MPDZ: variants seen among roughly 807,000 people sequenced by gnomAD.
MPDZ encodes multiple PDZ domain protein.
In MPDZ, 234 loss-of-function variants were observed where a neutral mutation model predicts 239.1. The observed-to-expected ratio is 0.98, with a 90% CI of 0.88 to 1.09. The LOEUF is 1.09. MPDZ is among the 50% of genes least tolerant of loss of function. MPDZ has a pLI of 0.00. For synonymous variants in MPDZ, 1,048 were observed against 881.3 expected, an observed-to-expected ratio of 1.19 and a Z score of -3.35; for missense variants, 3,175 against 2,510.0, an observed-to-expected ratio of 1.26 and a Z score of -5.66.
chr9:13,242,260 C>T (rs1196901397), intron 3 of MPDZ, among the ~76,000 whole-genome samples: 14 of 105,906 alleles, frequency 1.3e-4, no homozygotes, highest in African/African-American at 5.2e-4. Flanking sequence ...GAGCCTGGCT[C>T]TGTTGCCCAG....
At chr9:13,262,810 A>C (rs1970986840) in intron 1 of MPDZ, among the ~76,000 whole-genome samples, 1 of 152,118 alleles carries the variant, frequency 6.6e-6, no homozygotes, top group African/African-American at 2.4e-5. Context: ...AAATCTCAAT[A>C]ATGAAATGGA....
At chr9:13,111,618 C>G (rs1190218450) in intron 43 of MPDZ, among the ~76,000 whole-genome samples, 1 of 152,184 alleles carries the variant, frequency 6.6e-6, no homozygotes, top group African/African-American at 2.4e-5. Flanking sequence ...TATTAAACTT[C>G]TGCAAAATTA....
chr9:13,155,842 T>C (rs1479334100), intron 24 of MPDZ, among the ~76,000 whole-genome samples: 1 of 152,172 alleles, frequency 6.6e-6, no homozygotes, highest in Admixed American at 6.6e-5. Flanking sequence ...AGAAGTAGCT[T>C]AGTGAATCTA....
chr9:13,186,423 G>T (rs373301365), intron 17 of MPDZ, 37 bp from the exon 18 acceptor site: 2 of 1,354,644 alleles, frequency 1.5e-6, no homozygotes, highest in South Asian at 1.3e-5. Context: ...AAAAGAGAGA[G>T]AACAGCAAAG....
intron 39 of MPDZ, among the ~76,000 whole-genome samples, chr9:13,118,199 T>G (rs1002214839): frequency 1.3e-5 from 2 of 152,194 alleles, no homozygotes; most frequent in African/African-American, 4.8e-5. Flanking sequence ...TTATGGATGC[T>G]TCCATTTTTT....
chr9:13,270,309 T>C (rs1013340475), intron 1 of MPDZ, among the ~76,000 whole-genome samples: 3 of 152,194 alleles, frequency 2.0e-5, no homozygotes, highest in South Asian at 2.1e-4. Context: ...TATATAAACA[T>C]TACAAATGAC....
At chr9:13,197,021 T>C (rs1223205575) in intron 12 of MPDZ, among the ~76,000 whole-genome samples, 1 of 151,914 alleles carries the variant, frequency 6.6e-6, no homozygotes, top group African/African-American at 2.4e-5. Flanking sequence ...TGTTAAAAAA[T>C]TCAGATTTCT....
intron 2 of MPDZ, among the ~76,000 whole-genome samples, chr9:13,249,917 C>A (rs1028329847): frequency 6.6e-6 from 1 of 152,156 alleles, no homozygotes; most frequent in Non-Finnish European, 1.5e-5. Context: ...TAGAACTTCA[C>A]CTGCCAGAAG....
At chr9:13,214,302 G>A (rs891466275) in intron 10 of MPDZ, among the ~76,000 whole-genome samples, 3 of 152,072 alleles carry the variant, frequency 2.0e-5, no homozygotes, top group Non-Finnish European at 4.4e-5. Context: ...ATTATGCTAA[G>A]TGAAAGGAGT....
At chr9:13,114,748 A>G (rs1943103150) in intron 40 of MPDZ, among the ~76,000 whole-genome samples, 1 of 151,886 alleles carries the variant, frequency 6.6e-6, no homozygotes. Flanking sequence ...AAAAATACAA[A>G]AATTAGCCAG....
chr9:13,122,492 C>T (rs994349432), intron 36 of MPDZ, among the ~76,000 whole-genome samples: 2 of 150,958 alleles, frequency 1.3e-5, no homozygotes, highest in Admixed American at 1.3e-4. Context: ...ATCTAGAAGA[C>T]TTTGTCTACA....
chr9:13,126,022 T>C (rs781086290), intron 34 of MPDZ, among the ~76,000 whole-genome samples: 6 of 152,206 alleles, frequency 3.9e-5, no homozygotes, highest in Non-Finnish European at 5.9e-5. Context: ...CAAAGCTTTT[T>C]TCTGGCACTA....
chr9:13,188,588 C>G (rs1954465614), intron 17 of MPDZ, among the ~76,000 whole-genome samples, 196 bp downstream of exon 17: 1 of 152,056 alleles, frequency 6.6e-6, no homozygotes, highest in African/African-American at 2.4e-5. Context: ...TTATAAACTT[C>G]CTGGCTATTT....
At chr9:13,188,723 T>C (rs995320916) in intron 17 of MPDZ, 61 bp downstream of exon 17, 2 of 1,459,414 alleles carry the variant, frequency 1.4e-6, no homozygotes, top group African/African-American at 1.4e-5. Flanking sequence ...AAGCGAAAAG[T>C]AGACCTATGA....
Position 13,119,648 on chromosome 9 carries a change from T to A in MPDZ, c.5233A>T (p.Asn1745Tyr), listed in dbSNP as rs1944032697. 2 of 1,613,826 alleles carry A rather than the reference T, an allele frequency of 1.2e-6. No homozygotes were observed. The highest frequency in any genetic ancestry group is 1.7e-6 in the Non-Finnish European group (2 of 1,179,866). ...GLGLSIVGKR[N>Y]DTGVFVSDIV... Reference sequence around the variant, plus strand: ...TCTGACACAAATACTCCAGTATCGTTTCTACACACAATTTTGAATTTCAAC... The same window carrying A: ...TCTGACACAAATACTCCAGTATCGTATCTACACACAATTTTGAATTTCAAC... The change falls in exon 39 of 47, where the codon AAC (asparagine) becomes TAC (tyrosine). Residue 1745 changes from asparagine to tyrosine, a missense_variant and splice_region_variant. Transcript: ENST00000319217.
intron 19 of MPDZ, among the ~76,000 whole-genome samples, chr9:13,177,947 A>G (rs1952725523): frequency 6.6e-6 from 1 of 152,156 alleles, no homozygotes; most frequent in Non-Finnish European, 1.5e-5. Context: ...TAGAATTTCA[A>G]TGGTTGGTCA....
intron 6 of MPDZ, among the ~76,000 whole-genome samples, 193 bp downstream of exon 6, chr9:13,222,040 A>T (rs1959166432): frequency 6.6e-6 from 1 of 152,244 alleles, no homozygotes; most frequent in South Asian, 2.1e-4. Context: ...CACAAAGAAA[A>T]GTAATTGTTG....
rs770834554 is a variant in MPDZ, at chr9:13,176,117, C to A, written c.2931+19G>T. ...CCCTATCTCATCATAAAACACAAAC[C>A]ATATCTTTAAAATATTACCTTTCCA... On this transcript the variant is annotated intron_variant, in intron 20 of 46. Coordinates refer to ENST00000319217, the MANE Select transcript of MPDZ (RefSeq NM_001378778.1). 5 of 1,554,640 alleles carry A rather than the reference C, an allele frequency of 3.2e-6. No homozygotes were observed. The highest frequency in any genetic ancestry group is 4.4e-6 in the Non-Finnish European group (5 of 1,148,774).
chr9:13,156,980 G>C (rs1011900458), intron 24 of MPDZ, among the ~76,000 whole-genome samples: 2 of 152,098 alleles, frequency 1.3e-5, no homozygotes, highest in African/African-American at 4.8e-5. Flanking sequence ...ATTCAAATAA[G>C]AAATTCATGT....
Sources: gnomAD v4.1 joint callset for allele counts (sites outside exome capture counted in the v4.1 genomes callset) on GRCh38, gnomAD v4.1.1 for gene constraint, MANE v1.5 for transcripts, NCBI Gene and HGNC (gene_info 2026-07-23, HGNC 2026-07-21) for gene names.